BCKDHB: variants seen among roughly 807,000 people sequenced by gnomAD.
The protein encoded by BCKDHB is branched chain keto acid dehydrogenase E1 subunit beta.
BCKDHB carries 41 observed loss-of-function variants against 48.5 expected under a neutral mutation model. That is an observed-to-expected ratio of 0.85 (90% confidence interval 0.66 to 1.10). The LOEUF is 1.10. BCKDHB is among the 50% of genes least tolerant of loss of function. BCKDHB has a pLI of 0.00. For synonymous variants in BCKDHB, 201 were observed against 174.8 expected (o/e 1.15, Z -1.18); for missense variants, 496 against 494.2 (o/e 1.00, Z -0.03).
chr6:80,444,549 T>G, the BCKDHB span, among the ~76,000 whole-genome samples: 1 of 152,166 alleles, frequency 6.6e-6, no homozygotes, highest in Non-Finnish European at 1.5e-5. Flanking sequence ...TTCTAATAAC[T>G]CATCTCTTAT....
In BCKDHB at chr6:80,167,736, C is replaced by T. The variant is rs759881863; in HGVS notation, c.402C>T (p.Ile134=). 1.1e-5 allele frequency: 17 copies of T among 1,612,390 alleles called. No homozygotes were observed. The highest frequency in any genetic ancestry group is 1.7e-5 in the Admixed American group (1 of 59,988). ...AACAAGGAATTGTTGGATTTGGAAT[C>T]GGAATTGCGGTCACTGGAGCTACTG... ...LCEQGIVGFG[I]GIAVTGATAI... The change falls in exon 4 of 10, where the codon ATC becomes ATT. Residue 134 remains isoleucine, a synonymous_variant. Transcript: ENST00000320393.
chr6:80,233,118 G>A (rs1266766991), intron 8 of BCKDHB, among the ~76,000 whole-genome samples: 1 of 151,922 alleles, frequency 6.6e-6, no homozygotes, highest in Non-Finnish European at 1.5e-5. Flanking sequence ...ATATTTTCAG[G>A]TATGAAAGAC....
chr6:80,350,425 A>G (rs1220061342), downstream of BCKDHB, among the ~76,000 whole-genome samples: 2 of 151,980 alleles, frequency 1.3e-5, no homozygotes, highest in Non-Finnish European at 2.9e-5. Flanking sequence ...ATATGTCTGT[A>G]TCCTGTGAAG....
the BCKDHB span, among the ~76,000 whole-genome samples, chr6:80,352,086 G>A: frequency 2.0e-5 from 3 of 151,946 alleles, no homozygotes; most frequent in South Asian, 6.2e-4. Context: ...CTCCCAAAGT[G>A]GTGTTGGGAT....
intron 1 of BCKDHB, among the ~76,000 whole-genome samples, chr6:80,114,244 GA>G (rs1246235663): frequency 6.6e-6 from 1 of 150,662 alleles, no homozygotes; most frequent in African/African-American, 2.5e-5. Flanking sequence ...AGTAGTGCTA[GA>G]TTTTTTTTTT....
the BCKDHB span, among the ~76,000 whole-genome samples, chr6:80,396,129 C>G: frequency 6.6e-6 from 1 of 152,148 alleles, no homozygotes; most frequent in Non-Finnish European, 1.5e-5. Flanking sequence ...CACAGAGTCC[C>G]CACTGGGGTA....
At chr6:80,191,415 G>A (rs1773889122) in intron 6 of BCKDHB, among the ~76,000 whole-genome samples, 1 of 151,870 alleles carries the variant, frequency 6.6e-6, no homozygotes, top group Non-Finnish European at 1.5e-5. Flanking sequence ...GGGTAATATT[G>A]GATTTATGAA....
intron 3 of BCKDHB, among the ~76,000 whole-genome samples, chr6:80,154,217 G>A (rs1771927797): frequency 1.3e-5 from 2 of 152,130 alleles, no homozygotes; most frequent in Non-Finnish European, 2.9e-5. Context: ...ATTGTAAGTT[G>A]CGTGAGGACA....
rs973350825 is a variant in BCKDHB, at chr6:80,344,193, T to C, written c.*389T>C. 7 of 291,510 alleles carry C rather than the reference T, an allele frequency of 2.4e-5. No homozygotes were observed. The highest frequency in any genetic ancestry group is 1.6e-4 in the African/African-American group (7 of 45,018). The allele number at this position is 291,510 out of a possible 1,614,324, so 18.1% of individuals were successfully genotyped here. Reference sequence around the variant, plus strand: ...CTAATTTTTGTGTTTTTATTGGAGGTGGGGTGTCACTATGTTGGCTCAGCT... The same window carrying C: ...CTAATTTTTGTGTTTTTATTGGAGGCGGGGTGTCACTATGTTGGCTCAGCT... On this transcript the variant is annotated 3_prime_UTR_variant, in exon 10 of 10. Transcript: ENST00000320393.
At chr6:80,421,985 A>T in the BCKDHB span, among the ~76,000 whole-genome samples, 3 of 152,232 alleles carry the variant, frequency 2.0e-5, no homozygotes, top group Non-Finnish European at 2.9e-5. Context: ...AATAAGGAGC[A>T]ATAAGTTAGT....
intron 8 of BCKDHB, among the ~76,000 whole-genome samples, chr6:80,266,996 C>T (rs1014605105): frequency 2.0e-5 from 3 of 151,832 alleles, no homozygotes; most frequent in Admixed American, 6.6e-5. Context: ...CACCACCCCC[C>T]GCCCATGAAA....
At chr6:80,175,803 A>T (rs905228549) in intron 6 of BCKDHB, among the ~76,000 whole-genome samples, 4 of 152,364 alleles carry the variant, frequency 2.6e-5, no homozygotes, top group Non-Finnish European at 5.9e-5. Flanking sequence ...GATATAAGAA[A>T]TATATTCTAA....
At chr6:80,121,502 T>C (rs111247720) in intron 1 of BCKDHB, among the ~76,000 whole-genome samples, 5,267 of 152,292 alleles carry the variant, frequency 0.035, 310 homozygotes, top group African/African-American at 0.12. Flanking sequence ...GAGCATGGAA[T>C]ATTCTTCCAT....
In BCKDHB at chr6:80,219,784, C is replaced by T. The variant is rs190471948; in HGVS notation, c.951+16572C>T. Among the ~76,000 whole-genome samples the T allele has an allele frequency of 5.0e-3, 754 of 152,208 alleles. 3 individuals are homozygous for T. Among genetic ancestry groups the T allele is most frequent in the Middle Eastern group, 0.01 (3 of 294 alleles). On this transcript the variant is annotated intron_variant, in intron 8 of 9. Coordinates refer to ENST00000320393, the MANE Select transcript of BCKDHB (RefSeq NM_183050.4). ...TCAACATTTGCTTGATATTTGGCTG[C>T]GTATAGTATTCTAGGTTCACAGTAA...
At chr6:80,355,094 T>C in the BCKDHB span, among the ~76,000 whole-genome samples, 1 of 152,134 alleles carries the variant, frequency 6.6e-6, no homozygotes, top group Non-Finnish European at 1.5e-5. Flanking sequence ...TTTTGAGCAG[T>C]ATGATTATGT....
At chr6:80,310,561 A>G (rs1437849053) in intron 9 of BCKDHB, among the ~76,000 whole-genome samples, 2 of 152,216 alleles carry the variant, frequency 1.3e-5, no homozygotes. Context: ...TGCATTGAAT[A>G]TATGTGTGCA....
At chr6:80,165,157 T>A (rs941421718) in intron 3 of BCKDHB, among the ~76,000 whole-genome samples, 1 of 152,188 alleles carries the variant, frequency 6.6e-6, no homozygotes, top group Admixed American at 6.5e-5. Flanking sequence ...AGAATGCTGC[T>A]AGTTTGGTTA....
intron 3 of BCKDHB, among the ~76,000 whole-genome samples, chr6:80,133,831 C>CG (rs1471164586): frequency 2.0e-5 from 3 of 151,844 alleles, no homozygotes; most frequent in Admixed American, 6.6e-5. Context: ...TTAGTAGAGA[C>CG]GGGGTTTCAT....
chr6:80,447,848 T>C, the BCKDHB span, among the ~76,000 whole-genome samples: 3 of 152,144 alleles, frequency 2.0e-5, no homozygotes, highest in Non-Finnish European at 4.4e-5. Context: ...CAGACAAGTA[T>C]TGTCATGCCA....
Sources: allele counts gnomAD v4.1 joint callset (sites outside exome capture counted in the v4.1 genomes callset), GRCh38; gene constraint gnomAD v4.1.1; transcripts MANE v1.5; gene names NCBI Gene and HGNC (gene_info 2026-07-23, HGNC 2026-07-21).